Variants in CACHD1 observed in about 807,000 individuals in gnomAD.
CACHD1 encodes cache domain containing 1.
A neutral mutation model predicts 138.7 loss-of-function variants in CACHD1; 71 were observed. The observed-to-expected ratio is 0.51, with a 90% confidence interval of 0.42 to 0.62. The LOEUF (loss-of-function observed/expected upper bound fraction) is 0.62. Ranked by LOEUF, CACHD1 falls within the 20% of genes least tolerant of loss-of-function variation. The pLI is 0.00. For missense variants in CACHD1, 1,389 were observed against 1,625.3 expected, an observed-to-expected ratio of 0.85 and a Z score of 2.50; for synonymous variants, 578 against 591.5, an observed-to-expected ratio of 0.98 and a Z score of 0.33.
Position 64,599,491 on chromosome 1 carries a change from T to C in CACHD1, c.411-3315T>C, listed in dbSNP as rs546520649. Among the ~76,000 whole-genome samples, 5 of 152,008 alleles carry C rather than the reference T, an allele frequency of 3.3e-5. No homozygotes were observed. The East Asian group carries it at 5.9e-4, about 18-fold the overall frequency. On this transcript the variant is annotated intron_variant, in intron 3 of 26. Coordinates refer to ENST00000651257, the MANE Select transcript of CACHD1 (RefSeq NM_020925.4). ...GAGTGGACACTGGAGAGCATCACAATTGGGGTCGAACAGAAGAGCACATAG... is the reference window on the plus strand; with the variant it reads ...GAGTGGACACTGGAGAGCATCACAACTGGGGTCGAACAGAAGAGCACATAG...
chr1:64,691,565 TCTC>T lies in CACHD1; in HGVS notation c.*8_*10del. On this transcript the variant is annotated 3_prime_UTR_variant, in exon 27 of 27. Coordinates refer to ENST00000651257, the MANE Select transcript of CACHD1 (RefSeq NM_020925.4). ...CACTGTCGATGCAGAATGCTAACAA[TCTC>T]CTCACCTCCACGCCAAGATGAGATC... The T allele has an allele frequency of 6.2e-7, 1 of 1,609,220 alleles. No individual in the cohort carries two copies. The highest frequency in any genetic ancestry group is 8.5e-7 in the Non-Finnish European group (1 of 1,175,820).
At chr1:64,664,430 G>A in intron 14 of CACHD1, 68 bp from the exon 15 acceptor site, 3 of 1,481,784 alleles carry the variant, frequency 2.0e-6, no homozygotes, top group Non-Finnish European at 1.9e-6. Context: ...TGGGAACACT[G>A]CCAGCAGCCC....
At chr1:64,569,597 A>G (rs1345961885) in intron 2 of CACHD1, among the ~76,000 whole-genome samples, 1 of 152,194 alleles carries the variant, frequency 6.6e-6, no homozygotes. Context: ...AGGAAGAGAC[A>G]TGTAAGCTCC....
chr1:64,637,320 T>A (rs527489048), intron 7 of CACHD1, among the ~76,000 whole-genome samples: 67 of 152,270 alleles, frequency 4.4e-4, no homozygotes, highest in Admixed American at 2.9e-3. Flanking sequence ...GAGAACATGG[T>A]CACATGGACA....
intron 1 of CACHD1, among the ~76,000 whole-genome samples, chr1:64,488,629 A>C (rs189280291): frequency 5.9e-5 from 9 of 152,272 alleles, no homozygotes; most frequent in Admixed American, 4.6e-4. Flanking sequence ...TGACTTTCAT[A>C]CACTGGTTCT....
intron 26 of CACHD1, among the ~76,000 whole-genome samples, chr1:64,682,334 C>A (rs1650219485): frequency 6.6e-6 from 1 of 152,152 alleles, no homozygotes; most frequent in African/African-American, 2.4e-5. Context: ...TTAAATGGAG[C>A]CTGCTTGCCA....
intron 1 of CACHD1, among the ~76,000 whole-genome samples, chr1:64,522,065 C>G (rs1006576034): frequency 6.6e-6 from 1 of 152,164 alleles, no homozygotes; most frequent in Admixed American, 6.5e-5. Flanking sequence ...CCTGTGATTT[C>G]TTCTAAAACT....
At chr1:64,583,155 A>T (rs1387426985) in intron 3 of CACHD1, among the ~76,000 whole-genome samples, 2 of 152,142 alleles carry the variant, frequency 1.3e-5, no homozygotes, top group African/African-American at 2.4e-5. Flanking sequence ...TGGTTAAATG[A>T]TGCTTTGTTT....
At chr1:64,663,567 A>G (rs1202176758) in intron 13 of CACHD1, 128 bp from the exon 14 acceptor site, 4 of 1,185,230 alleles carry the variant, frequency 3.4e-6, no homozygotes, top group African/African-American at 3.1e-5. Flanking sequence ...AAAAAAAAAG[A>G]AAAAAAGGAA....
intron 3 of CACHD1, among the ~76,000 whole-genome samples, chr1:64,588,420 CTT>C (rs149322683): frequency 0.26 from 38,328 of 144,976 alleles, 5,568 homozygotes; most frequent in African/African-American, 0.4. Context: ...CAAATCAATA[CTT>C]TTTTTTTTTT....
intron 10 of CACHD1, 58 bp from the exon 11 acceptor site, chr1:64,653,700 A>G: frequency 1.3e-6 from 2 of 1,579,948 alleles, no homozygotes; most frequent in South Asian, 2.3e-5. Context: ...CAAAACAGTG[A>G]TTCAGAACTT....
intron 1 of CACHD1, among the ~76,000 whole-genome samples, chr1:64,495,975 A>G (rs1646304403): frequency 6.6e-6 from 1 of 152,132 alleles, no homozygotes; most frequent in African/African-American, 2.4e-5. Flanking sequence ...TCGTTTTATT[A>G]TAATATATTT....
intron 3 of CACHD1, among the ~76,000 whole-genome samples, chr1:64,596,896 A>AT (rs1647157590): frequency 1.3e-5 from 2 of 152,186 alleles, no homozygotes; most frequent in South Asian, 4.1e-4. Flanking sequence ...ACAATTCCAC[A>AT]TTTCATCACT....
intron 23 of CACHD1, among the ~76,000 whole-genome samples, chr1:64,678,847 A>G (rs1650078919): frequency 2.6e-5 from 4 of 152,220 alleles, no homozygotes; most frequent in Admixed American, 2.6e-4. Flanking sequence ...CAAGACCTCA[A>G]AAATACTGCC....
intron 1 of CACHD1, among the ~76,000 whole-genome samples, chr1:64,545,381 A>C (rs962032737): frequency 6.6e-6 from 1 of 152,194 alleles, no homozygotes; most frequent in African/African-American, 2.4e-5. Context: ...TCATTCTCCC[A>C]CAAAGAATAA....
At chr1:64,650,136 A>G (rs1313674544) in intron 9 of CACHD1, among the ~76,000 whole-genome samples, 1 of 152,202 alleles carries the variant, frequency 6.6e-6, no homozygotes, top group Non-Finnish European at 1.5e-5. Context: ...AGCATACTTT[A>G]TTTGCCATAA....
chr1:64,492,910 A>C (rs1440943208), intron 1 of CACHD1, among the ~76,000 whole-genome samples: 4 of 152,182 alleles, frequency 2.6e-5, no homozygotes, highest in African/African-American at 7.2e-5. Flanking sequence ...CCCTTGTGAG[A>C]TACTTAGCAG....
At position 64,685,858 on chromosome 1, in the gene CACHD1, G is replaced by GAA. The variant is rs372528228; in HGVS notation, c.3586+3761_3586+3762dup. On this transcript the variant is annotated intron_variant, in intron 26 of 26. Transcript: ENST00000651257. ...AGACAGGGCTGTCTCAAAAAAAAAA[G>GAA]AAAAAAAAAATGCTGGGTGGAGTTG... Among the ~76,000 whole-genome samples the GAA allele has an allele frequency of 1.1e-3, 164 of 144,940 alleles. 1 individual carries two copies. Among genetic ancestry groups the GAA allele is most frequent in the African/African-American group, 3.9e-3 (154 of 38,988 alleles).
chr1:64,671,817 T>C (rs1649826792), intron 17 of CACHD1, 131 bp downstream of exon 17: 20 of 1,108,436 alleles, frequency 1.8e-5, no homozygotes, highest in South Asian at 4.6e-5. Context: ...GGGTGTCCTA[T>C]TAAGAAGGTT....
Sources: gnomAD v4.1 joint callset for allele counts (sites outside exome capture counted in the v4.1 genomes callset) on GRCh38, gnomAD v4.1.1 for gene constraint, MANE v1.5 for transcripts, NCBI Gene and HGNC (gene_info 2026-07-23, HGNC 2026-07-21) for gene names.